Variants in PTPRD observed in about 807,000 individuals in gnomAD.
PTPRD encodes the protein receptor-type tyrosine-protein phosphatase delta.
A neutral mutation model predicts 214.5 loss-of-function variants in PTPRD; 34 were observed. That is an observed-to-expected ratio of 0.16 (90% confidence interval 0.12 to 0.21). PTPRD has a LOEUF of 0.21. PTPRD is among the 10% of genes least tolerant of loss of function. PTPRD has a pLI of 1.00. For missense variants in PTPRD, 2,545 were observed against 2,398.7 expected, an observed-to-expected ratio of 1.06 and a Z score of -1.27; for synonymous variants, 1,128 against 845.7, an observed-to-expected ratio of 1.33 and a Z score of -5.79.
intron 12 of PTPRD, among the ~76,000 whole-genome samples, chr9:8,689,315 T>C (rs367687918): frequency 2.6e-5 from 4 of 152,206 alleles, no homozygotes; most frequent in Non-Finnish European, 4.4e-5. Context: ...TCTGTACTAA[T>C]TAGTTCATTT....
chr9:9,625,752 C>G (rs2095407282), intron 7 of PTPRD, among the ~76,000 whole-genome samples: 1 of 152,054 alleles, frequency 6.6e-6, no homozygotes, highest in African/African-American at 2.4e-5. Context: ...TCACATGCAA[C>G]AAGTAGGGAC....
intron 7 of PTPRD, among the ~76,000 whole-genome samples, chr9:9,617,719 A>G (rs1052322833): frequency 2.0e-5 from 3 of 152,074 alleles, no homozygotes; most frequent in Non-Finnish European, 2.9e-5. Context: ...TAGGATGGTG[A>G]GGGTGTCCTC....
At chr9:9,571,607 A>G (rs1340524609) in intron 8 of PTPRD, among the ~76,000 whole-genome samples, 2 of 151,300 alleles carry the variant, frequency 1.3e-5, no homozygotes, top group African/African-American at 4.8e-5. Context: ...AAATTATCAT[A>G]ATTCATTTAG....
chr9:10,435,266 T>C (rs542217112), intron 2 of PTPRD, among the ~76,000 whole-genome samples: 1 of 151,978 alleles, frequency 6.6e-6, no homozygotes, highest in South Asian at 2.1e-4. Context: ...CAGCAGGAAA[T>C]CCATATCTTC....
In PTPRD at chr9:8,317,727, T is replaced by G; in HGVS notation, c.*147A>C. The G allele has an allele frequency of 1.7e-6, 1 of 599,678 alleles. No homozygotes were observed. The allele number at this position is 599,678 out of a possible 1,614,324, so 37.1% of individuals were successfully genotyped here. Reference sequence around the variant, plus strand: ...TCTTGGTCCACCTGGAATAATTTGTTTTTAATTTGTTTTGTGTGTAATAGT... The same window carrying G: ...TCTTGGTCCACCTGGAATAATTTGTGTTTAATTTGTTTTGTGTGTAATAGT... On this transcript the variant is annotated 3_prime_UTR_variant, in exon 46 of 46. Coordinates refer to ENST00000381196, the MANE Select transcript of PTPRD (RefSeq NM_002839.4).
intron 8 of PTPRD, among the ~76,000 whole-genome samples, chr9:9,542,997 G>A (rs142092766): frequency 0.017 from 2,605 of 151,666 alleles, 44 homozygotes; most frequent in Admixed American, 0.026. Flanking sequence ...TGAGATACAT[G>A]AAAACGTATG....
At chr9:9,910,715 G>A (rs182366138) in intron 5 of PTPRD, among the ~76,000 whole-genome samples, 2 of 151,900 alleles carry the variant, frequency 1.3e-5, no homozygotes, top group Non-Finnish European at 2.9e-5. Context: ...ATTACCATGA[G>A]ATCATTTGAT....
intron 9 of PTPRD, among the ~76,000 whole-genome samples, chr9:9,363,304 A>C (rs1446371767): frequency 6.6e-6 from 1 of 151,220 alleles, no homozygotes; most frequent in East Asian, 2.0e-4. Context: ...CATTCTAGAT[A>C]GTTGTAATGG....
intron 3 of PTPRD, among the ~76,000 whole-genome samples, chr9:10,111,302 G>A (rs1337199167): frequency 7.7e-6 from 1 of 130,466 alleles, no homozygotes; most frequent in Non-Finnish European, 1.6e-5. Flanking sequence ...GCAGTGGCGG[G>A]ATCTCGGCTC....
chr9:10,576,094 C>A (rs1024766273), intron 2 of PTPRD, among the ~76,000 whole-genome samples: 1 of 152,126 alleles, frequency 6.6e-6, no homozygotes, highest in Non-Finnish European at 1.5e-5. Context: ...TGACAATTAA[C>A]CCAGATTCCA....
At chr9:10,517,552 G>T (rs186378102) in intron 2 of PTPRD, among the ~76,000 whole-genome samples, 1 of 151,976 alleles carries the variant, frequency 6.6e-6, no homozygotes, top group Non-Finnish European at 1.5e-5. Context: ...ATTAGGAGAA[G>T]AGAACAAACT....
intron 11 of PTPRD, among the ~76,000 whole-genome samples, chr9:8,930,696 T>A (rs1347432414): frequency 2.6e-5 from 4 of 152,218 alleles, no homozygotes; most frequent in Non-Finnish European, 4.4e-5. Context: ...TTGATTTGCA[T>A]TTCTCTGATG....
intron 3 of PTPRD, among the ~76,000 whole-genome samples, chr9:10,063,009 T>C (rs2097802226): frequency 1.3e-5 from 2 of 152,052 alleles, no homozygotes; most frequent in Non-Finnish European, 2.9e-5. Flanking sequence ...GAAAAGACTG[T>C]GGAAACAGAA....
intron 3 of PTPRD, among the ~76,000 whole-genome samples, chr9:10,298,993 C>G (rs1596437363): frequency 2.0e-5 from 3 of 152,036 alleles, no homozygotes; most frequent in African/African-American, 7.2e-5. Context: ...GAAATAGAAG[C>G]TACCTCACTG....
chr9:10,292,901 G>T (rs1212517108), intron 3 of PTPRD, among the ~76,000 whole-genome samples: 10 of 151,708 alleles, frequency 6.6e-5, no homozygotes, highest in African/African-American at 2.4e-4. Context: ...ACATTAGTTA[G>T]TAAGTTACAT....
rs2069472991 is a variant in PTPRD, at chr9:9,883,276, C to T, written c.-368+55231G>A. ...TCTTGTTGCTGCAAACATCTCAACACAAATTTATTACTTCCTCTTCATTGA... is the reference window on the plus strand; with the variant it reads ...TCTTGTTGCTGCAAACATCTCAACATAAATTTATTACTTCCTCTTCATTGA... On this transcript the variant is annotated intron_variant, in intron 5 of 45. Coordinates refer to ENST00000381196, the MANE Select transcript of PTPRD (RefSeq NM_002839.4). 2.0e-5 allele frequency among the ~76,000 whole-genome samples: 3 copies of T among 152,136 alleles called. No homozygotes were observed. The South Asian group carries it at 6.2e-4, about 31-fold the overall frequency.
intron 3 of PTPRD, among the ~76,000 whole-genome samples, chr9:10,138,855 A>C (rs1245925817): frequency 6.6e-6 from 1 of 152,136 alleles, no homozygotes; most frequent in African/African-American, 2.4e-5. Flanking sequence ...ACATCGCTTC[A>C]TGAAGTAACC....
intron 2 of PTPRD, among the ~76,000 whole-genome samples, chr9:10,440,796 A>G (rs1566051285): frequency 6.6e-6 from 1 of 151,766 alleles, no homozygotes; most frequent in Non-Finnish European, 1.5e-5. Flanking sequence ...GTAGAGGAAC[A>G]CAAATCCTGT....
At chr9:10,093,713 T>A (rs2098455433) in intron 3 of PTPRD, among the ~76,000 whole-genome samples, 1 of 151,354 alleles carries the variant, frequency 6.6e-6, no homozygotes, top group South Asian at 2.1e-4. Flanking sequence ...CTATGGTGGA[T>A]CGGATAAACA....
Sources: gnomAD v4.1 joint callset for allele counts (sites outside exome capture counted in the v4.1 genomes callset) on GRCh38, gnomAD v4.1.1 for gene constraint, MANE v1.5 for transcripts, NCBI Gene and HGNC (gene_info 2026-07-23, HGNC 2026-07-21) for gene names.